The following RFC2 variants were observed in gnomAD, a reference collection of about 807,000 sequenced individuals.
RFC2 encodes replication factor C subunit 2.
RFC2 carries 34 observed loss-of-function variants against 44.8 expected under a neutral mutation model. That is an observed-to-expected ratio of 0.76 (90% confidence interval 0.58 to 1.01). The LOEUF is 1.01. Among genes scored for constraint, RFC2 ranks in the 50% least tolerant of loss-of-function variants. RFC2 has a pLI of 0.00. For missense variants in RFC2, 400 were observed against 453.6 expected, an observed-to-expected ratio of 0.88 and a Z score of 1.07; for synonymous variants, 177 against 168.9, an observed-to-expected ratio of 1.05 and a Z score of -0.37.
chr7:74,254,299 C>G lies in RFC2; in HGVS notation c.85G>C (p.Gly29Arg), dbSNP rs781833105. 6.2e-7 allele frequency: 1 copy of G among 1,612,766 alleles called. No homozygotes were observed. The highest frequency in any genetic ancestry group is 1.1e-5 in the South Asian group (1 of 91,034). ...GGCAGTTCGTAGTGGCCGGCGCTGC[C>G]GGGGGCCTTGCTGAAGGCAGGGGCA... is the stretch of plus-strand genomic sequence containing the variant. Reference protein sequence around the residue: ...DPAPAFSKAPGSAGHYELPWV... With the variant: ...DPAPAFSKAPRSAGHYELPWV... The change falls in exon 1 of 11, where the codon GGC becomes CGC. Residue 29 changes from glycine to arginine, a missense_variant. Gly to Arg is a moderately radical substitution (Grantham distance 125). Transcript: ENST00000055077.
chr7:74,240,149 T>A, intron 6 of RFC2, 54 bp from the exon 7 acceptor site: 1 of 1,538,950 alleles, frequency 6.5e-7, no homozygotes, highest in Non-Finnish European at 8.9e-7. Context: ...GGCATCATCC[T>A]GCTAGCTCTT....
At chr7:74,248,874 T>C (rs1271484376) in intron 4 of RFC2, 138 bp downstream of exon 4, 14 of 652,640 alleles carry the variant, frequency 2.1e-5, no homozygotes, top group Non-Finnish European at 3.5e-5. Context: ...TGAGCAACGC[T>C]CTTTCACTGG....
At chr7:74,246,226 C>CAAATAA (rs1803597440) in intron 5 of RFC2, among the ~76,000 whole-genome samples, 1 of 150,062 alleles carries the variant, frequency 6.7e-6, no homozygotes, top group African/African-American at 2.5e-5. Context: ...AATACAAATA[C>CAAATAA]AAATACAAAT....
chr7:74,237,951 T>C (rs1390065070), intron 8 of RFC2, among the ~76,000 whole-genome samples: 2 of 152,118 alleles, frequency 1.3e-5, no homozygotes, highest in Non-Finnish European at 2.9e-5. Context: ...CCCTGCAGCA[T>C]TCTCCGCAGT....
At position 74,254,385 on chromosome 7, in the gene RFC2, C is replaced by T. The variant is rs955543762; in HGVS notation, c.-2G>A. ...ACCACAGACGGCCTCCACCTCCATT[C>T]TCGCGCCTCCTCTTCCCGCCACCCG... On this transcript the variant is annotated 5_prime_UTR_variant, in exon 1 of 11. Transcript: ENST00000055077. 2 of 1,585,246 alleles carry T rather than the reference C, an allele frequency of 1.3e-6. No homozygotes were observed. The highest frequency in any genetic ancestry group is 1.4e-5 in the African/African-American group (1 of 73,942).
intron 4 of RFC2, 129 bp downstream of exon 4, chr7:74,248,882 TG>T: frequency 1.5e-6 from 1 of 668,824 alleles, no homozygotes; most frequent in Non-Finnish European, 2.7e-6. Context: ...GCTCTTTCAC[TG>T]GGAAGGGGTG....
chr7:74,253,986 A>C (rs1787128643), intron 1 of RFC2, among the ~76,000 whole-genome samples: 1 of 152,202 alleles, frequency 6.6e-6, no homozygotes, highest in Admixed American at 6.6e-5. Flanking sequence ...CTATACACAA[A>C]AACTTTTGAA....
rs1803169571 is a variant in RFC2, at chr7:74,239,006, CAT to C, written c.694-20_694-19del. On this transcript the variant is annotated intron_variant, in intron 7 of 10. Coordinates refer to ENST00000055077, the MANE Select transcript of RFC2 (RefSeq NM_181471.3). ...TTCAGCGCCTGTTCAGGAGCAAACA[CAT>C]GTCAAGGATGATTTTTATATTTATT... The C allele has an allele frequency of 6.2e-7, 1 of 1,602,746 alleles. No individual in the cohort carries two copies. The highest frequency in any genetic ancestry group is 1.7e-5 in the Admixed American group (1 of 59,914).
chr7:74,254,212 C>A, intron 1 of RFC2, 59 bp downstream of exon 1: 5 of 1,303,390 alleles, frequency 3.8e-6, no homozygotes, highest in Non-Finnish European at 5.5e-6. Context: ...GGAGCACGGC[C>A]CGCCACTCGC....
chr7:74,239,026 T>C (rs1210136103), intron 7 of RFC2, 38 bp from the exon 8 acceptor site: 2 of 1,556,696 alleles, frequency 1.3e-6, no homozygotes, highest in African/African-American at 2.7e-5. Context: ...ATGATTTTTA[T>C]ATTTATTTCT....
rs1802770894 is a variant in RFC2 at position 74,232,229 on chromosome 7, C to T, written c.955-13G>A. ...TGTATCCAATTTCCTGAAAAACAAA[C>T]CAAATTCAAATCTGGTTAATAAGTG... On this transcript the variant is annotated splice_polypyrimidine_tract_variant and intron_variant, in intron 10 of 10. Coordinates refer to ENST00000055077, the MANE Select transcript of RFC2 (RefSeq NM_181471.3). 6.8e-7 allele frequency: 1 copy of T among 1,473,386 alleles called. No homozygotes were observed. The highest frequency in any genetic ancestry group is 1.4e-5 in the African/African-American group (1 of 72,206). The allele number at this position is 1,473,386 out of a possible 1,614,324, so 91.3% of individuals were successfully genotyped here. A position where few individuals can be genotyped will look rare whatever the true frequency, so the allele number is the denominator to read the frequency against.
Position 74,243,246 on chromosome 7 carries a change from G to A in RFC2, c.435C>T (p.Ser145=). The A allele has an allele frequency of 6.2e-7, 1 of 1,609,988 alleles. No homozygotes were observed. Among genetic ancestry groups the A allele is most frequent in the Admixed American group, 1.7e-5 (1 of 59,722 alleles). The part of the protein sequence containing the change: ...HKIIILDEAD[S]MTDGAQQALR... ...AGGCTTGCTGGGCTCCGTCGGTCAT[G>A]CTGAGAAGAAAAACACAAGTTTGCA... The change falls in exon 6 of 11, where the codon AGC becomes AGT. Residue 145 remains serine (S), a splice_region_variant and synonymous_variant. Coordinates refer to ENST00000055077, the MANE Select transcript of RFC2 (RefSeq NM_181471.3).
rs1259717930 is a variant in RFC2 at position 74,238,010 on chromosome 7, A to G, written c.760-568T>C. Among the ~76,000 whole-genome samples, 7 of 151,548 alleles carry G rather than the reference A, an allele frequency of 4.6e-5. No individual in the cohort carries two copies. In the East Asian group the frequency reaches 7.9e-4, roughly 17 times the overall value. On this transcript the variant is annotated intron_variant, in intron 8 of 10. Transcript: ENST00000055077. The surrounding 1 kb of genome is among the most constrained non-coding windows in gnomAD (Gnocchi z 4.0). ...CAATGTCGACCCCTACATCTTCCCA[A>G]TGAAAGCCTCCTGATGGCTCCAGAG...
intron 10 of RFC2, among the ~76,000 whole-genome samples, chr7:74,234,476 A>C (rs1466964974): frequency 6.6e-6 from 1 of 152,020 alleles, no homozygotes; most frequent in Non-Finnish European, 1.5e-5. Context: ...AAATCAATCA[A>C]TCAGTCAATA....
chr7:74,244,598 A>G, intron 5 of RFC2, among the ~76,000 whole-genome samples: 1 of 151,502 alleles, frequency 6.6e-6, no homozygotes, highest in East Asian at 2.0e-4. Flanking sequence ...CGAACTCCTG[A>G]CCTCAAGCAA....
Position 74,238,839 on chromosome 7 carries a change from T to G in RFC2, c.759+84A>C. ...AGAGCAGCTAGATGTCCGTCCCCAC[T>G]GCCAGCCCAGCCCTTCAGCCCCACT... On this transcript the variant is annotated intron_variant, in intron 8 of 10. Coordinates refer to ENST00000055077, the MANE Select transcript of RFC2 (RefSeq NM_181471.3). This position sits in a 1 kb window ranked among gnomAD's most constrained non-coding sequence, Gnocchi z 4.0. The G allele has an allele frequency of 1.8e-6, 2 of 1,132,588 alleles. No individual in the cohort carries two copies. The highest frequency in any genetic ancestry group is 1.5e-5 in the African/African-American group (1 of 65,598). The allele number at this position is 1,132,588 out of a possible 1,614,324, so 70.2% of individuals were successfully genotyped here.
chr7:74,240,613 T>G (rs1251428864), intron 6 of RFC2, among the ~76,000 whole-genome samples: 3 of 150,268 alleles, frequency 2.0e-5, no homozygotes, highest in African/African-American at 7.5e-5. Flanking sequence ...ACTGCCCACA[T>G]GGCCTTGGCT....
At chr7:74,245,730 A>C (rs1457091304) in intron 5 of RFC2, among the ~76,000 whole-genome samples, 9 of 149,798 alleles carry the variant, frequency 6.0e-5, no homozygotes, top group African/African-American at 2.0e-4. Context: ...AAAAAAAAAA[A>C]AAATTTATGG....
At chr7:74,243,090 G>GA in intron 6 of RFC2, 56 bp downstream of exon 6, 2 of 1,195,772 alleles carry the variant, frequency 1.7e-6, no homozygotes, top group Non-Finnish European at 2.5e-6. Flanking sequence ...CTATAAAAAA[G>GA]AAAAAAGCCC....
Sources: allele counts gnomAD v4.1 joint callset (sites outside exome capture counted in the v4.1 genomes callset), GRCh38; gene constraint gnomAD v4.1.1; non-coding constraint Gnocchi (gnomAD v3.1); transcripts MANE v1.5; gene names NCBI Gene and HGNC (gene_info 2026-07-23, HGNC 2026-07-21).